PTPRD: variants seen among roughly 807,000 people sequenced by gnomAD.
The protein encoded by PTPRD is receptor-type tyrosine-protein phosphatase delta.
Under a neutral mutation model 214.5 loss-of-function variants are expected in PTPRD, and 34 were observed. The ratio of observed to expected loss-of-function variants is 0.16; its 90% CI spans 0.12 to 0.21. The LOEUF is 0.21. Among genes scored for constraint, PTPRD ranks in the 10% least tolerant of loss-of-function variants. The pLI, the probability that PTPRD is intolerant of heterozygous loss-of-function variation, is 1.00. For missense variants in PTPRD, 2,545 were observed against 2,398.7 expected (o/e 1.06, Z -1.27); for synonymous variants, 1,128 against 845.7 (o/e 1.33, Z -5.79).
intron 2 of PTPRD, among the ~76,000 whole-genome samples, chr9:10,523,305 G>A (rs1188367743): frequency 6.6e-6 from 1 of 151,768 alleles, no homozygotes; most frequent in Non-Finnish European, 1.5e-5. Context: ...ATCAACACTT[G>A]TGTTGCCTGC....
intron 3 of PTPRD, among the ~76,000 whole-genome samples, chr9:10,155,294 G>T: frequency 6.6e-6 from 1 of 151,724 alleles, no homozygotes; most frequent in Non-Finnish European, 1.5e-5. Context: ...TTTTATGTTG[G>T]TTTTATATCA....
At chr9:9,711,554 G>T (rs1201600922) in intron 7 of PTPRD, among the ~76,000 whole-genome samples, 1 of 152,058 alleles carries the variant, frequency 6.6e-6, no homozygotes, top group Non-Finnish European at 1.5e-5. Context: ...CTCAGAGATG[G>T]GACATATACT....
At chr9:8,982,904 C>T (rs995277969) in intron 11 of PTPRD, among the ~76,000 whole-genome samples, 4 of 151,938 alleles carry the variant, frequency 2.6e-5, no homozygotes. Context: ...AATAATGTAG[C>T]TTCCATAAGA....
chr9:8,322,686 C>G (rs1344121719), intron 44 of PTPRD, among the ~76,000 whole-genome samples: 2 of 152,126 alleles, frequency 1.3e-5, no homozygotes, highest in African/African-American at 2.4e-5. Flanking sequence ...GAAGCTGTAG[C>G]AAGTTATCCA....
chr9:9,029,790 T>C (rs1176331789), intron 10 of PTPRD, among the ~76,000 whole-genome samples: 1 of 151,882 alleles, frequency 6.6e-6, no homozygotes, highest in Non-Finnish European at 1.5e-5. Flanking sequence ...GAGTCTGATA[T>C]AATGGTGGGA....
At chr9:10,205,198 T>G (rs2099463754) in intron 3 of PTPRD, among the ~76,000 whole-genome samples, 1 of 152,002 alleles carries the variant, frequency 6.6e-6, no homozygotes, top group African/African-American at 2.4e-5. Flanking sequence ...ATCTTTCTTG[T>G]AGGATTTATC....
chr9:9,088,916 T>G (rs1202172016), intron 10 of PTPRD, among the ~76,000 whole-genome samples: 3 of 152,162 alleles, frequency 2.0e-5, no homozygotes, highest in Non-Finnish European at 4.4e-5. Context: ...ATTTTCTGTA[T>G]TAAATGAGTA....
At chr9:8,321,204 T>C (rs953538796) in intron 44 of PTPRD, among the ~76,000 whole-genome samples, 1 of 151,972 alleles carries the variant, frequency 6.6e-6, no homozygotes, top group South Asian at 2.1e-4. Context: ...CTGAGATTTA[T>C]TATCTTTTTG....
chr9:8,407,770 T>C (rs969081765), intron 35 of PTPRD, among the ~76,000 whole-genome samples: 7 of 152,148 alleles, frequency 4.6e-5, no homozygotes, highest in African/African-American at 1.7e-4. Context: ...AAACAAACAT[T>C]GATTAAATAA....
intron 39 of PTPRD, among the ~76,000 whole-genome samples, chr9:8,342,622 G>T (rs192960828): frequency 6.6e-6 from 1 of 152,174 alleles, no homozygotes; most frequent in Admixed American, 6.6e-5. Flanking sequence ...ACAGGCAACA[G>T]ACAGCCTCCT....
At chr9:8,460,369 G>A (rs780834539) in intron 33 of PTPRD, 42 bp downstream of exon 33, 18 of 1,605,352 alleles carry the variant, frequency 1.1e-5, no homozygotes, top group East Asian at 4.5e-5. Context: ...TCAAAAATAA[G>A]GCAGCCTCCA....
intron 8 of PTPRD, among the ~76,000 whole-genome samples, chr9:9,549,082 T>C (rs1282975259): frequency 1.3e-5 from 2 of 152,090 alleles, no homozygotes; most frequent in South Asian, 2.1e-4. Flanking sequence ...CAACTATCTT[T>C]GCAATCTTGA....
intron 5 of PTPRD, among the ~76,000 whole-genome samples, chr9:9,775,589 C>T (rs2098791155): frequency 6.6e-6 from 1 of 152,074 alleles, no homozygotes; most frequent in Non-Finnish European, 1.5e-5. Context: ...ATTGATCTCC[C>T]CACCTTCAAT....
At chr9:9,452,706 G>GT (rs140086233) in intron 8 of PTPRD, among the ~76,000 whole-genome samples, 23,031 of 150,934 alleles carry the variant, frequency 0.15, 1,863 homozygotes, top group Middle Eastern at 0.26. Flanking sequence ...TTTAGTAAAA[G>GT]TTAAAGTCAA....
intron 31 of PTPRD, among the ~76,000 whole-genome samples, chr9:8,470,370 C>T (rs1314958401): frequency 6.6e-6 from 1 of 152,108 alleles, no homozygotes; most frequent in East Asian, 1.9e-4. Flanking sequence ...AATGCACCTG[C>T]TGTTGCAAGA....
chr9:10,084,692 A>G (rs1471454764), intron 3 of PTPRD, among the ~76,000 whole-genome samples: 1 of 151,954 alleles, frequency 6.6e-6, no homozygotes, highest in Non-Finnish European at 1.5e-5. Flanking sequence ...TACAAGACAC[A>G]CAACTTCGCA....
chr9:8,712,303 G>A (rs1380012232), intron 12 of PTPRD, among the ~76,000 whole-genome samples: 2 of 152,056 alleles, frequency 1.3e-5, no homozygotes, highest in East Asian at 3.9e-4. Flanking sequence ...TGTTCTGAAT[G>A]AAAAAGAAGT....
chr9:8,998,435 T>C (rs1321338043), intron 11 of PTPRD, among the ~76,000 whole-genome samples: 1 of 152,016 alleles, frequency 6.6e-6, no homozygotes, highest in Non-Finnish European at 1.5e-5. Context: ...AGCACATCTG[T>C]TTAGCAGCAT....
At chr9:8,842,420 A>G (rs1171334418) in intron 11 of PTPRD, among the ~76,000 whole-genome samples, 1 of 152,352 alleles carries the variant, frequency 6.6e-6, no homozygotes, top group Admixed American at 6.5e-5. Context: ...GTTAGGGTAT[A>G]CAAGGGTAAC....
Sources: allele counts gnomAD v4.1 joint callset (sites outside exome capture counted in the v4.1 genomes callset), GRCh38; gene constraint gnomAD v4.1.1; transcripts MANE v1.5; gene names NCBI Gene and HGNC (gene_info 2026-07-23, HGNC 2026-07-21).